Variants in SEPSECS observed in about 807,000 individuals in gnomAD.
SEPSECS encodes the protein Sep (O-phosphoserine) tRNA:Sec (selenocysteine) tRNA synthase, also known as O-phosphoseryl-tRNA(Sec) selenium transferase.
SEPSECS carries 42 observed loss-of-function variants against 52.1 expected under a neutral mutation model. That is an observed-to-expected ratio of 0.81 (90% CI 0.63 to 1.04). SEPSECS has a LOEUF of 1.04. Among genes scored for constraint, SEPSECS ranks in the 50% least tolerant of loss-of-function variants. The probability of loss-of-function intolerance (pLI) is 0.00; values close to 1 mark genes in which losing one functional copy is unlikely to be tolerated. For missense variants in SEPSECS, 590 were observed against 610.6 expected, an observed-to-expected ratio of 0.97 and a Z score of 0.36; for synonymous variants, 216 against 211.4, an observed-to-expected ratio of 1.02 and a Z score of -0.19.
At chr4:25,126,371 C>T (rs764190973) in intron 9 of SEPSECS, among the ~76,000 whole-genome samples, 1 of 152,062 alleles carries the variant, frequency 6.6e-6, no homozygotes, top group Non-Finnish European at 1.5e-5. Flanking sequence ...CACAATATCA[C>T]CTTCTATAAC....
At chr4:25,136,729 G>A (rs1201614424) in intron 8 of SEPSECS, among the ~76,000 whole-genome samples, 2 of 151,958 alleles carry the variant, frequency 1.3e-5, no homozygotes, top group African/African-American at 4.8e-5. Context: ...AAATTCACAT[G>A]GAACCAAAAA....
rs1033253001 is a variant in SEPSECS at position 25,130,035 on chromosome 4, C to T, written c.1027-2678G>A. 2.0e-5 allele frequency among the ~76,000 whole-genome samples: 3 copies of T among 152,220 alleles called. No homozygotes were observed. The East Asian group carries it at 5.8e-4, about 29-fold the overall frequency. ...CTCCCATAGGCAGAAACAAATCTCA[C>T]AGGCAGGAAATGCCTTTTACAGAGC... On this transcript the variant is annotated intron_variant, in intron 8 of 10. Coordinates refer to ENST00000382103, the MANE Select transcript of SEPSECS (RefSeq NM_016955.4).
intron 8 of SEPSECS, among the ~76,000 whole-genome samples, chr4:25,136,657 C>G (rs1212333042): frequency 6.6e-6 from 1 of 151,980 alleles, no homozygotes. Context: ...TTTATAGAGT[C>G]AATGTTATTT....
intron 2 of SEPSECS, among the ~76,000 whole-genome samples, chr4:25,157,283 G>A (rs889501122): frequency 2.6e-5 from 4 of 152,122 alleles, no homozygotes; most frequent in African/African-American, 9.7e-5. Flanking sequence ...GCTGAATTTA[G>A]TAACTTGCTT....
intron 8 of SEPSECS, among the ~76,000 whole-genome samples, chr4:25,141,860 C>A (rs1711572906): frequency 6.6e-6 from 1 of 152,200 alleles, no homozygotes; most frequent in South Asian, 2.1e-4. Flanking sequence ...ACACTGGCCT[C>A]CTTGCTGCTT....
At position 25,120,745 on chromosome 4, in the gene SEPSECS, C is replaced by G. The variant is rs1420605994; in HGVS notation, c.*3186G>C. ...TGTGTATGTATTCCAAAAACTTTCT[C>G]CGAGTATGAGTCAGACTCACCAGAG... On this transcript the variant is annotated 3_prime_UTR_variant, in exon 11 of 11. Transcript: ENST00000382103. 6.6e-6 allele frequency: 1 copy of G among 152,140 alleles called. No homozygotes were observed. The highest frequency in any genetic ancestry group is 1.5e-5 in the Non-Finnish European group (1 of 67,988). The allele number at this position is 152,140 out of a possible 1,614,324, so 9.4% of individuals were successfully genotyped here. A position where few individuals can be genotyped will look rare whatever the true frequency, so the allele number is the denominator to read the frequency against.
chr4:25,120,305 T>C lies in SEPSECS; in HGVS notation c.*3626A>G, dbSNP rs1192319895. On this transcript the variant is annotated 3_prime_UTR_variant, in exon 11 of 11. Coordinates refer to ENST00000382103, the MANE Select transcript of SEPSECS (RefSeq NM_016955.4). ...TAACTGCAGAGTAGTGAGTAGGAAA[T>C]TACAAACATATATTCATTAGCCTTA... 1 of 152,114 alleles carries C rather than the reference T, an allele frequency of 6.6e-6. No homozygotes were observed. The highest frequency in any genetic ancestry group is 1.9e-4 in the East Asian group (1 of 5,198). The allele number at this position is 152,114 out of a possible 1,614,324, so 9.4% of individuals were successfully genotyped here. A position where few individuals can be genotyped will look rare whatever the true frequency, so the allele number is the denominator to read the frequency against.
chr4:25,132,664 A>G (rs1156560276), intron 8 of SEPSECS, among the ~76,000 whole-genome samples: 1 of 152,210 alleles, frequency 6.6e-6, no homozygotes, highest in African/African-American at 2.4e-5. Flanking sequence ...TTACTCCTAG[A>G]GATATTCTCT....
chr4:25,142,924 C>T (rs1577616185), intron 8 of SEPSECS, among the ~76,000 whole-genome samples: 2 of 152,114 alleles, frequency 1.3e-5, no homozygotes, highest in Non-Finnish European at 2.9e-5. Flanking sequence ...GTGTCTTTCA[C>T]AAATGGGGAA....
chr4:25,152,995 T>C (rs1014282756), intron 5 of SEPSECS, among the ~76,000 whole-genome samples: 1 of 152,012 alleles, frequency 6.6e-6, no homozygotes. Flanking sequence ...CTATTTCTAG[T>C]AGATGTCATT....
rs1728081826 is a variant in SEPSECS at position 25,120,551 on chromosome 4, G to T, written c.*3380C>A. 6.6e-6 allele frequency: 1 copy of T among 152,240 alleles called. No individual in the cohort carries two copies. The highest frequency in any genetic ancestry group is 1.5e-5 in the Non-Finnish European group (1 of 67,970). The allele number at this position is 152,240 out of a possible 1,614,324, so 9.4% of individuals were successfully genotyped here. A position where few individuals can be genotyped will look rare whatever the true frequency, so the allele number is the denominator to read the frequency against. The stretch of plus-strand genomic sequence containing the variant: ...TATTATCAAATTATTCAGGTTGTGA[G>T]ACTTCTAAAATGACCAAATTTCTGT... On this transcript the variant is annotated 3_prime_UTR_variant, in exon 11 of 11. Coordinates refer to ENST00000382103, the MANE Select transcript of SEPSECS (RefSeq NM_016955.4).
rs1366547143 is a variant in SEPSECS, at chr4:25,120,862, A to T, written c.*3069T>A. On this transcript the variant is annotated 3_prime_UTR_variant, in exon 11 of 11. Coordinates refer to ENST00000382103, the MANE Select transcript of SEPSECS (RefSeq NM_016955.4). The stretch of plus-strand genomic sequence containing the variant: ...ACTAATTCAATATTAAAGTAACATC[A>T]GCAGTAAACACAAATTATCTGTTTA... 6.6e-6 allele frequency: 1 copy of T among 152,154 alleles called. No individual in the cohort carries two copies. Among genetic ancestry groups the T allele is most frequent in the Non-Finnish European group, 1.5e-5 (1 of 68,000 alleles). 9.4% of individuals were successfully genotyped at this position (152,154 alleles called of 1,614,324 possible). A position where few individuals can be genotyped will look rare whatever the true frequency, so the allele number is the denominator to read the frequency against.
intron 6 of SEPSECS, 52 bp downstream of exon 6, chr4:25,151,908 T>A: frequency 5.3e-6 from 5 of 949,938 alleles, no homozygotes; most frequent in Non-Finnish European, 8.7e-6. Flanking sequence ...AATCCTATAA[T>A]ATGTTAAAAT....
chr4:25,131,909 G>C (rs1217644194), intron 8 of SEPSECS, among the ~76,000 whole-genome samples: 1 of 152,194 alleles, frequency 6.6e-6, no homozygotes, highest in African/African-American at 2.4e-5. Context: ...AAGCAAAACA[G>C]AAGTGAGGAT....
At chr4:25,159,472 T>C in intron 1 of SEPSECS, 1 of 348,696 alleles carries the variant, frequency 2.9e-6, no homozygotes. Context: ...GTTGTCAAAC[T>C]TCAGTGAAAT....
chr4:25,145,102 AC>A lies in SEPSECS; in HGVS notation c.835del (p.Val279PhefsTer12), dbSNP rs761035878. On this transcript the variant is annotated frameshift_variant, in exon 7 of 11. Transcript: ENST00000382103. LOFTEE classifies it high-confidence loss of function. ...GARVGRIDAF[V>X]QSLDKNFMVP... Reference sequence around the variant, plus strand: ...CATAAAATTTTTGTCCAAGCTCTGAACAAAAGCATCTATTCTACCAACTCGA... The same window carrying A: ...CATAAAATTTTTGTCCAAGCTCTGAAAAAAGCATCTATTCTACCAACTCGA... 10 of 1,613,976 alleles carry A rather than the reference AC, an allele frequency of 6.2e-6. No individual in the cohort carries two copies. Among genetic ancestry groups the A allele is most frequent in the Non-Finnish European group, 8.5e-6 (10 of 1,179,918 alleles).
intron 8 of SEPSECS, among the ~76,000 whole-genome samples, chr4:25,132,494 T>TA (rs1467003381): frequency 6.6e-6 from 1 of 151,990 alleles, no homozygotes; most frequent in Admixed American, 6.6e-5. Context: ...ACAAATCCAA[T>TA]AAAAAAACAA....
At chr4:25,127,220 G>A (rs1373196456) in intron 9 of SEPSECS, 44 bp downstream of exon 9, 1 of 1,239,948 alleles carries the variant, frequency 8.1e-7, no homozygotes, top group Admixed American at 1.7e-5. Context: ...TCCTCCTAGA[G>A]TGGATCATAA....
At chr4:25,138,437 T>C (rs1158058624) in intron 8 of SEPSECS, among the ~76,000 whole-genome samples, 4 of 151,112 alleles carry the variant, frequency 2.6e-5, no homozygotes, top group South Asian at 2.1e-4. Context: ...CTAGGCAACA[T>C]AGCAAGACCC....
Sources: allele counts gnomAD v4.1 joint callset (sites outside exome capture counted in the v4.1 genomes callset), GRCh38; gene constraint gnomAD v4.1.1; transcripts MANE v1.5; gene names NCBI Gene and HGNC (gene_info 2026-07-23, HGNC 2026-07-21).